SHISA6: variants seen among roughly 807,000 people sequenced by gnomAD.
SHISA6 encodes protein shisa-6.
In SHISA6, 22 loss-of-function variants were observed where a neutral mutation model predicts 47.9. The observed-to-expected ratio is 0.46, with a 90% CI of 0.33 to 0.66. SHISA6 has a LOEUF of 0.66. SHISA6 is among the 30% of genes least tolerant of loss of function. The probability of loss-of-function intolerance (pLI) is 0.02; values close to 1 mark genes in which losing one functional copy is unlikely to be tolerated. For missense variants in SHISA6, 680 were observed against 764.6 expected (o/e 0.89, Z 1.30); for synonymous variants, 388 against 337.8 (o/e 1.15, Z -1.63).
chr17:11,511,411 C>G (rs2071540572), intron 3 of SHISA6, among the ~76,000 whole-genome samples: 1 of 152,014 alleles, frequency 6.6e-6, no homozygotes, highest in Non-Finnish European at 1.5e-5. Flanking sequence ...GTGTAACAAG[C>G]CTGCACATTC....
chr17:11,321,615 A>G (rs568949175), intron 2 of SHISA6, among the ~76,000 whole-genome samples: 2 of 152,302 alleles, frequency 1.3e-5, no homozygotes, highest in East Asian at 1.9e-4. Context: ...GTAATTATTT[A>G]TATAGTTGAG....
chr17:11,503,025 TTTTTC>T (rs1468923334), intron 3 of SHISA6, among the ~76,000 whole-genome samples: 9 of 152,322 alleles, frequency 5.9e-5, no homozygotes, highest in Middle Eastern at 3.4e-3. Flanking sequence ...AACCATGTAC[TTTTTC>T]TTTTATTTCT....
intron 1 of SHISA6, among the ~76,000 whole-genome samples, chr17:11,260,638 C>T (rs574556287): frequency 2.6e-4 from 40 of 151,750 alleles, no homozygotes; most frequent in Non-Finnish European, 4.7e-4. Flanking sequence ...CAGACTCTGC[C>T]TCCTCTCCTC....
intron 3 of SHISA6, among the ~76,000 whole-genome samples, chr17:11,473,424 G>A (rs1915975461): frequency 6.6e-6 from 1 of 152,096 alleles, no homozygotes; most frequent in South Asian, 2.1e-4. Flanking sequence ...ATGACACTTT[G>A]CATGCTGCAT....
intron 2 of SHISA6, among the ~76,000 whole-genome samples, chr17:11,333,980 C>G (rs939812937): frequency 5.9e-5 from 9 of 152,212 alleles, no homozygotes; most frequent in Admixed American, 3.9e-4. Flanking sequence ...TCCCCACTCT[C>G]CATACATTGC....
chr17:11,393,141 G>C (rs1427390233), intron 3 of SHISA6, among the ~76,000 whole-genome samples: 1 of 152,172 alleles, frequency 6.6e-6, no homozygotes, highest in Non-Finnish European at 1.5e-5. Flanking sequence ...CATTTATTGA[G>C]GTATTGGGCC....
chr17:11,457,347 C>T (rs778623475), intron 3 of SHISA6, among the ~76,000 whole-genome samples: 28 of 152,142 alleles, frequency 1.8e-4, no homozygotes, highest in South Asian at 6.2e-4. Context: ...CCCATGCAGT[C>T]GACAGTTACA....
At chr17:11,518,180 A>T (rs1409037657) in intron 3 of SHISA6, among the ~76,000 whole-genome samples, 1 of 152,038 alleles carries the variant, frequency 6.6e-6, no homozygotes, top group East Asian at 1.9e-4. Flanking sequence ...CATTAACTGT[A>T]AGTGTTGGCA....
chr17:11,508,791 C>G (rs78745816), intron 3 of SHISA6, among the ~76,000 whole-genome samples: 9,844 of 138,286 alleles, frequency 0.071, 2,037 homozygotes, highest in Middle Eastern at 0.13. Context: ...GGTATTAGGG[C>G]TATAATCAGT....
At chr17:11,280,285 C>T (rs1056451198) in intron 2 of SHISA6, among the ~76,000 whole-genome samples, 4 of 152,132 alleles carry the variant, frequency 2.6e-5, no homozygotes, top group African/African-American at 9.7e-5. Flanking sequence ...TGATGGGATT[C>T]TCTGCCCACT....
chr17:11,248,034 A>G (rs1270670069), intron 1 of SHISA6, among the ~76,000 whole-genome samples: 4 of 152,060 alleles, frequency 2.6e-5, no homozygotes, highest in South Asian at 2.1e-4. Context: ...TCTGCCTCCC[A>G]AAGTGCTGGG....
chr17:11,276,720 T>A (rs950232715), intron 2 of SHISA6, among the ~76,000 whole-genome samples: 1 of 151,964 alleles, frequency 6.6e-6, no homozygotes, highest in African/African-American at 2.4e-5. Context: ...ATTATCATCA[T>A]CACCACTGCT....
At chr17:11,446,708 T>C (rs1023707325) in intron 3 of SHISA6, among the ~76,000 whole-genome samples, 9 of 152,328 alleles carry the variant, frequency 5.9e-5, no homozygotes, top group Middle Eastern at 3.4e-3. Flanking sequence ...CAGATATCTC[T>C]GACCAGCCAC....
intron 3 of SHISA6, among the ~76,000 whole-genome samples, chr17:11,482,291 A>G (rs1916240800): frequency 6.6e-6 from 1 of 152,248 alleles, no homozygotes; most frequent in South Asian, 2.1e-4. Context: ...AAGAAATTTA[A>G]AAAGAAAATA....
chr17:11,493,470 G>A (rs1302731486), intron 3 of SHISA6, among the ~76,000 whole-genome samples: 3 of 152,066 alleles, frequency 2.0e-5, no homozygotes, highest in African/African-American at 7.2e-5. Flanking sequence ...CAAGTAATCC[G>A]CCCACCTCGA....
chr17:11,547,649 C>A (rs1023303086), intron 3 of SHISA6, among the ~76,000 whole-genome samples: 1 of 151,884 alleles, frequency 6.6e-6, no homozygotes, highest in Non-Finnish European at 1.5e-5. Flanking sequence ...AATGAGAAAA[C>A]AATAACAAAT....
At position 11,250,421 on chromosome 17, in the gene SHISA6, A is replaced by T. The variant is rs1316703638; in HGVS notation, c.638+8361A>T. 1.3e-5 allele frequency among the ~76,000 whole-genome samples: 2 copies of T among 152,170 alleles called. 1 individual carries two copies. The highest frequency in any genetic ancestry group is 4.1e-4 in the South Asian group (2 of 4,822). Reference sequence around the variant, plus strand: ...CACTGCTGATCAATTCCTAATGTGCATTTATCACCACTCGCTCCACCCCCA... The same window carrying T: ...CACTGCTGATCAATTCCTAATGTGCTTTTATCACCACTCGCTCCACCCCCA... On this transcript the variant is annotated intron_variant, in intron 1 of 5. Coordinates refer to ENST00000441885, the MANE Select transcript of SHISA6 (RefSeq NM_207386.4).
chr17:11,280,231 A>G (rs1909073075), intron 2 of SHISA6, among the ~76,000 whole-genome samples: 1 of 152,218 alleles, frequency 6.6e-6, no homozygotes, highest in South Asian at 2.1e-4. Flanking sequence ...AATTTACTCC[A>G]GGTAGATTGA....
chr17:11,268,472 T>C (rs1908513238), intron 2 of SHISA6, among the ~76,000 whole-genome samples: 2 of 152,230 alleles, frequency 1.3e-5, no homozygotes, highest in African/African-American at 4.8e-5. Flanking sequence ...CTTCTCATGC[T>C]GTTTGTATTC....
Sources: gnomAD v4.1 joint callset for allele counts (sites outside exome capture counted in the v4.1 genomes callset) on GRCh38, gnomAD v4.1.1 for gene constraint, MANE v1.5 for transcripts, NCBI Gene and HGNC (gene_info 2026-07-23, HGNC 2026-07-21) for gene names.